Variants in MYO3A observed in about 807,000 individuals in gnomAD.
The protein encoded by MYO3A is myosin-IIIa.
MYO3A carries 180 observed loss-of-function variants against 192.7 expected under a neutral mutation model. The observed-to-expected ratio is 0.93, with a 90% confidence interval of 0.83 to 1.06. The LOEUF is 1.06. MYO3A is among the 50% of genes least tolerant of loss of function. MYO3A has a pLI of 0.00. For missense variants in MYO3A, 1,896 were observed against 1,905.0 expected, an observed-to-expected ratio of 1.00 and a Z score of 0.09; for synonymous variants, 628 against 645.3, an observed-to-expected ratio of 0.97 and a Z score of 0.41.
At chr10:25,988,947 T>G (rs1455211553) in intron 4 of MYO3A, among the ~76,000 whole-genome samples, 1 of 150,754 alleles carries the variant, frequency 6.6e-6, no homozygotes, top group Non-Finnish European at 1.5e-5. Flanking sequence ...CTCTTTTTTT[T>G]TTTTTTTTTT....
At chr10:25,942,253 C>G (rs560453461) in intron 2 of MYO3A, among the ~76,000 whole-genome samples, 21 of 152,332 alleles carry the variant, frequency 1.4e-4, no homozygotes, top group Non-Finnish European at 2.5e-4. Flanking sequence ...CTGCCTGCCT[C>G]AGCCTCCAAA....
chr10:26,182,832 A>G (rs1456086680), intron 31 of MYO3A, among the ~76,000 whole-genome samples: 1 of 152,202 alleles, frequency 6.6e-6, no homozygotes, highest in Non-Finnish European at 1.5e-5. Context: ...GTTCCGCATA[A>G]CAGCTCATTC....
chr10:26,143,991 C>G (rs1417638520), intron 21 of MYO3A, among the ~76,000 whole-genome samples: 1 of 152,064 alleles, frequency 6.6e-6, no homozygotes, highest in African/African-American at 2.4e-5. Flanking sequence ...ATGTTCTGTT[C>G]TATTCATTTA....
At chr10:25,958,791 G>A (rs1837727798) in intron 4 of MYO3A, among the ~76,000 whole-genome samples, 1 of 151,598 alleles carries the variant, frequency 6.6e-6, no homozygotes, top group Non-Finnish European at 1.5e-5. Flanking sequence ...TTTTCATTGT[G>A]GAGATCTTTC....
rs139990564 is a variant in MYO3A, at chr10:26,177,240, G to A, written c.4438+395G>A. 1.2e-3 allele frequency among the ~76,000 whole-genome samples: 187 copies of A among 152,188 alleles called. 1 individual carries two copies. The highest frequency in any genetic ancestry group is 3.7e-3 in the African/African-American group (153 of 41,512). On this transcript the variant is annotated intron_variant, in intron 31 of 34. Coordinates refer to ENST00000642920, the MANE Select transcript of MYO3A (RefSeq NM_017433.5). ...ACCTTGAGTATAGAGTGTGGAAGGT[G>A]CAAAACCCCATTATACAAGAAGTAT...
chr10:26,159,540 C>T (rs760441485), intron 26 of MYO3A, among the ~76,000 whole-genome samples: 30 of 150,760 alleles, frequency 2.0e-4, no homozygotes, highest in Non-Finnish European at 3.7e-4. Context: ...CCACCACGCC[C>T]GGCTAATTTT....
intron 4 of MYO3A, among the ~76,000 whole-genome samples, chr10:25,972,594 T>C (rs1330971560): frequency 6.6e-6 from 1 of 152,188 alleles, no homozygotes; most frequent in African/African-American, 2.4e-5. Context: ...GGTGGGGAAC[T>C]TGTTGTTTGC....
At chr10:26,144,069 A>G (rs762958097) in intron 21 of MYO3A, among the ~76,000 whole-genome samples, 1 of 152,206 alleles carries the variant, frequency 6.6e-6, no homozygotes, top group Non-Finnish European at 1.5e-5. Flanking sequence ...ATAAATATTC[A>G]TGATAATAAT....
At chr10:25,979,055 G>A (rs1839137209) in intron 4 of MYO3A, among the ~76,000 whole-genome samples, 1 of 152,132 alleles carries the variant, frequency 6.6e-6, no homozygotes, top group African/African-American at 2.4e-5. Context: ...AGTTCTTAGA[G>A]AATTGGTATT....
At chr10:26,149,444 A>C (rs931070559) in intron 23 of MYO3A, among the ~76,000 whole-genome samples, 4 of 152,048 alleles carry the variant, frequency 2.6e-5, no homozygotes, top group Non-Finnish European at 4.4e-5. Flanking sequence ...CATGTTGGCC[A>C]AGCTGGTATT....
chr10:26,125,651 G>C, intron 19 of MYO3A, 43 bp downstream of exon 19: 1 of 1,496,300 alleles, frequency 6.7e-7, no homozygotes. Flanking sequence ...AATGTCAGGT[G>C]ATGTAAGTCT....
chr10:26,091,304 T>C (rs1481359644), intron 15 of MYO3A, among the ~76,000 whole-genome samples: 1 of 152,232 alleles, frequency 6.6e-6, no homozygotes, highest in Non-Finnish European at 1.5e-5. Context: ...CATTTATTTT[T>C]AGATTACCTT....
intron 10 of MYO3A, among the ~76,000 whole-genome samples, chr10:26,048,945 A>T (rs1843796704): frequency 6.6e-6 from 1 of 152,238 alleles, no homozygotes; most frequent in African/African-American, 2.4e-5. Flanking sequence ...ACATTTAGTC[A>T]CTAGCAGAGG....
chr10:26,155,772 A>T (rs1419396323), intron 25 of MYO3A, among the ~76,000 whole-genome samples: 1 of 152,224 alleles, frequency 6.6e-6, no homozygotes, highest in Admixed American at 6.5e-5. Flanking sequence ...TTTACATCAG[A>T]AATGCAGCAT....
chr10:26,119,283 A>G (rs977415940), intron 17 of MYO3A, among the ~76,000 whole-genome samples: 7 of 151,818 alleles, frequency 4.6e-5, no homozygotes, highest in East Asian at 1.9e-4. Flanking sequence ...TTTTCTGAAC[A>G]TATCATGTTA....
At chr10:26,090,066 C>T (rs1429334364) in intron 15 of MYO3A, among the ~76,000 whole-genome samples, 3 of 152,324 alleles carry the variant, frequency 2.0e-5, no homozygotes, top group South Asian at 2.1e-4. Context: ...AGAAGGACCG[C>T]GGGATCTTAG....
intron 8 of MYO3A, chr10:26,021,851 C>A: frequency 1.6e-6 from 1 of 643,904 alleles, no homozygotes; most frequent in Admixed American, 2.6e-5. Flanking sequence ...AAAGAGCTTT[C>A]TCTTGATAAT....
chr10:25,944,395 G>C (rs1012636788), intron 2 of MYO3A, among the ~76,000 whole-genome samples: 7 of 151,982 alleles, frequency 4.6e-5, no homozygotes, highest in African/African-American at 1.4e-4. Context: ...TTGGTGTCAG[G>C]ATAATGCTGG....
intron 19 of MYO3A, among the ~76,000 whole-genome samples, chr10:26,126,813 T>C (rs1054494917): frequency 6.7e-5 from 10 of 149,574 alleles, no homozygotes; most frequent in African/African-American, 2.6e-4. Context: ...GTACATATAC[T>C]AAATATACTA....
Sources: gnomAD v4.1 joint callset for allele counts (sites outside exome capture counted in the v4.1 genomes callset) on GRCh38, gnomAD v4.1.1 for gene constraint, MANE v1.5 for transcripts, NCBI Gene and HGNC (gene_info 2026-07-23, HGNC 2026-07-21) for gene names.